The following CNTNAP3 variants were observed in gnomAD, a reference collection of about 807,000 sequenced individuals.
CNTNAP3 encodes contactin-associated protein-like 3.
A neutral mutation model predicts 92.1 loss-of-function variants in CNTNAP3; 36 were observed. That is an observed-to-expected ratio of 0.39 (90% CI 0.30 to 0.52). The LOEUF is 0.52. CNTNAP3 is among the 20% of genes least tolerant of loss of function. The pLI is 0.76. For synonymous variants in CNTNAP3, 232 were observed against 422.3 expected (o/e 0.55, Z 5.53); for missense variants, 534 against 1,069.6 (o/e 0.50, Z 6.98).
chr9:39,095,399 TTTC>T (rs1826302470), intron 18 of CNTNAP3, among the ~76,000 whole-genome samples: 1 of 151,576 alleles, frequency 6.6e-6, no homozygotes, highest in South Asian at 2.1e-4. Context: ...ACTTGTCGTG[TTTC>T]TTATTTTACG....
intron 11 of CNTNAP3, among the ~76,000 whole-genome samples, chr9:39,143,871 T>C (rs1821635533): frequency 6.6e-6 from 1 of 152,198 alleles, no homozygotes; most frequent in Non-Finnish European, 1.5e-5. Flanking sequence ...TTTTTCCACC[T>C]TTCTTTGACT....
At position 39,248,594 on chromosome 9, in the gene CNTNAP3, A is replaced by AT. The variant is rs201124962; in HGVS notation, c.197-9409dup. ...TTTGCATTTACTTTTTTTTTTTTAC[A>AT]TTTTTTTTTACATTTTACAACAGGC... On this transcript the variant is annotated intron_variant, in intron 2 of 23. Transcript: ENST00000297668. Among the ~76,000 whole-genome samples the AT allele has an allele frequency of 3.1e-3, 94 of 30,606 alleles. 16 individuals carry two copies. The East Asian group carries it at 0.034, about 11-fold the overall frequency. 20.1% of individuals were successfully genotyped at this position (30,606 alleles called of 152,430 possible).
intron 12 of CNTNAP3, among the ~76,000 whole-genome samples, chr9:39,137,280 G>T (rs1821462212): frequency 6.6e-6 from 1 of 151,522 alleles, no homozygotes; most frequent in African/African-American, 2.4e-5. Context: ...GCTGTGCCTG[G>T]TCTACTAATA....
chr9:39,077,313 C>T (rs995309517), intron 23 of CNTNAP3, among the ~76,000 whole-genome samples: 6 of 152,052 alleles, frequency 3.9e-5, no homozygotes, highest in Non-Finnish European at 8.8e-5. Flanking sequence ...AATCCCAGCA[C>T]TTTGGGAGGC....
chr9:39,108,453 C>T (rs187724576), intron 15 of CNTNAP3, among the ~76,000 whole-genome samples: 1 of 152,282 alleles, frequency 6.6e-6, no homozygotes, highest in Admixed American at 6.5e-5. Flanking sequence ...TGAACCACCT[C>T]TCTCAGAAGT....
intron 13 of CNTNAP3, among the ~76,000 whole-genome samples, chr9:39,132,428 A>G (rs1821315350): frequency 6.6e-6 from 1 of 152,130 alleles, no homozygotes; most frequent in Non-Finnish European, 1.5e-5. Flanking sequence ...CACTGACAAA[A>G]GGTTTTAATA....
intron 13 of CNTNAP3, among the ~76,000 whole-genome samples, chr9:39,131,699 G>A (rs1418980105): frequency 3.9e-5 from 6 of 152,228 alleles, no homozygotes; most frequent in Non-Finnish European, 5.9e-5. Context: ...GGCGGCACCC[G>A]CCTGTATTCT....
At chr9:39,168,391 A>G (rs1822212151) in intron 8 of CNTNAP3, among the ~76,000 whole-genome samples, 1 of 136,564 alleles carries the variant, frequency 7.3e-6, no homozygotes, top group Non-Finnish European at 1.6e-5. Context: ...GTCCATAGAC[A>G]TGCAAATGAA....
At chr9:39,086,542 A>G in intron 20 of CNTNAP3, 174 bp downstream of exon 20, 2 of 838,734 alleles carry the variant, frequency 2.4e-6, no homozygotes, top group Non-Finnish European at 3.6e-6. Flanking sequence ...AATACAGAAT[A>G]AACAACCACC....
intron 14 of CNTNAP3, among the ~76,000 whole-genome samples, chr9:39,110,711 A>T (rs1826724888): frequency 6.6e-6 from 1 of 152,156 alleles, no homozygotes; most frequent in Non-Finnish European, 1.5e-5. Flanking sequence ...GTATTTTATT[A>T]TATATGTGTA....
chr9:39,141,502 GGAGA>G (rs1821574914), intron 11 of CNTNAP3, among the ~76,000 whole-genome samples: 1 of 152,054 alleles, frequency 6.6e-6, no homozygotes, highest in Middle Eastern at 3.2e-3. Context: ...ATTCAAAACA[GGAGA>G]GAAACTTTTT....
intron 14 of CNTNAP3, among the ~76,000 whole-genome samples, chr9:39,114,466 T>TA (rs1359781689): frequency 2.0e-5 from 3 of 152,240 alleles, no homozygotes; most frequent in African/African-American, 7.2e-5. Context: ...CAGCATTAGA[T>TA]AGAGTTCAAG....
chr9:39,080,693 C>T (rs1247708221), intron 21 of CNTNAP3, among the ~76,000 whole-genome samples: 24 of 117,286 alleles, frequency 2.0e-4, no homozygotes, highest in Admixed American at 7.1e-4. Flanking sequence ...GATGGAGTCT[C>T]ACTCTGTCCC....
intron 21 of CNTNAP3, among the ~76,000 whole-genome samples, chr9:39,080,887 G>A (rs1291033522): frequency 2.2e-5 from 3 of 138,516 alleles, no homozygotes; most frequent in African/African-American, 5.4e-5. Context: ...GGACGGTCTC[G>A]ATCTCTTGAC....
At chr9:39,122,075 C>T (rs1378106436) in intron 13 of CNTNAP3, among the ~76,000 whole-genome samples, 1 of 152,150 alleles carries the variant, frequency 6.6e-6, no homozygotes, top group Non-Finnish European at 1.5e-5. Flanking sequence ...ATGCTTCTGG[C>T]CGGGCGCGGT....
intron 9 of CNTNAP3, among the ~76,000 whole-genome samples, chr9:39,150,249 T>G (rs1465085099): frequency 6.7e-6 from 1 of 150,362 alleles, no homozygotes; most frequent in East Asian, 2.0e-4. Context: ...GAAAAGAGGT[T>G]TGGCTTCTTT....
Position 39,088,567 on chromosome 9 carries a change from A to C in CNTNAP3, c.3076T>G (p.Ser1026Ala). Residue 1026 changes from serine to alanine, a missense_variant, in exon 19 of 24, where the codon TCT becomes GCT. By Grantham distance (99) the Ser-to-Ala change is moderately conservative (BLOSUM62 1). Coordinates refer to ENST00000297668, the MANE Select transcript of CNTNAP3 (RefSeq NM_033655.5). ...EHYTLSENSS[S>A]LVSSLHRDVT... ...TCTCTGTGTAATGAAGAAACGAGAG[A>C]GCTGGAGTTTTCACTTAAAGTGTAA... is the stretch of plus-strand genomic sequence containing the variant. 1 of 1,597,648 alleles carries C rather than the reference A, an allele frequency of 6.3e-7. No homozygotes were observed. The highest frequency in any genetic ancestry group is 1.1e-5 in the South Asian group (1 of 90,996).
Position 39,069,812 on chromosome 9 carries a change from A to AGTGAT in CNTNAP3, c.*4073_*4077dup. Among the ~76,000 whole-genome samples the AGTGAT allele has an allele frequency of 6.6e-6, 1 of 152,292 alleles. No individual in the cohort carries two copies. Among genetic ancestry groups the AGTGAT allele is most frequent in the Non-Finnish European group, 1.5e-5 (1 of 68,056 alleles). On this transcript the variant is annotated 3_prime_UTR_variant, in exon 24 of 24. Transcript: ENST00000297668. The stretch of plus-strand genomic sequence containing the variant: ...CTTAGCCTGAGCTACATCCATTGGG[A>AGTGAT]GTGATGTGAAGGAAGAGAAAAGCGT...
chr9:39,112,261 A>C (rs1472065865), intron 14 of CNTNAP3, among the ~76,000 whole-genome samples: 1 of 152,086 alleles, frequency 6.6e-6, no homozygotes, highest in Non-Finnish European at 1.5e-5. Flanking sequence ...TCTAAAAGCT[A>C]CTACTTATTA....
Sources: allele counts gnomAD v4.1 joint callset (sites outside exome capture counted in the v4.1 genomes callset), GRCh38; gene constraint gnomAD v4.1.1; transcripts MANE v1.5; gene names NCBI Gene and HGNC (gene_info 2026-07-23, HGNC 2026-07-21).